Variants in CGN observed in about 807,000 individuals in gnomAD.
CGN encodes the protein cingulin.
A neutral mutation model predicts 157.1 loss-of-function variants in CGN; 121 were observed. That is an observed-to-expected ratio of 0.77 (90% CI 0.66 to 0.90). The LOEUF is 0.90. Among genes scored for constraint, CGN ranks in the 40% least tolerant of loss-of-function variants. The pLI is 0.00. For synonymous variants in CGN, 535 were observed against 607.5 expected, an observed-to-expected ratio of 0.88 and a Z score of 1.76; for missense variants, 1,424 against 1,520.9, an observed-to-expected ratio of 0.94 and a Z score of 1.06.
chr1:151,529,335 C>T lies in CGN; in HGVS notation c.1897-15C>T, dbSNP rs1167600511. 3.1e-6 allele frequency: 5 copies of T among 1,610,852 alleles called. No homozygotes were observed. Among genetic ancestry groups the T allele is most frequent in the East Asian group, 4.5e-5 (2 of 44,810 alleles). ...TGGCTCTGGGTGCCCCATCACCATT[C>T]CCGTTTCCTTCCAGGAGCTGCTCCG... On this transcript the variant is annotated splice_polypyrimidine_tract_variant and intron_variant, in intron 10 of 20. Transcript: ENST00000271636.
chr1:151,524,946 G>A lies in CGN; in HGVS notation c.1614+60G>A. 2 of 1,444,908 alleles carry A rather than the reference G, an allele frequency of 1.4e-6. No homozygotes were observed. Among genetic ancestry groups the A allele is most frequent in the Non-Finnish European group, 1.9e-6 (2 of 1,050,066 alleles). 89.5% of individuals were successfully genotyped at this position (1,444,908 alleles called of 1,614,324 possible). A position where few individuals can be genotyped will look rare whatever the true frequency, so the allele number is the denominator to read the frequency against. ...CACTGCTGGAGAACAAGGCTGCCTT[G>A]GGATCTTGGACTTTTGGACTTTTCA... On this transcript the variant is annotated intron_variant, in intron 8 of 20. Coordinates refer to ENST00000271636, the MANE Select transcript of CGN (RefSeq NM_020770.3). This position sits in a 1 kb window ranked among gnomAD's most constrained non-coding sequence, Gnocchi z 4.4.
Position 151,524,284 on chromosome 1 carries a change from AC to A in CGN, c.1330del (p.Gln444ArgfsTer2). 5 of 1,614,180 alleles carry A rather than the reference AC, an allele frequency of 3.1e-6. 1 individual carries two copies. Among genetic ancestry groups the A allele is most frequent in the Middle Eastern group, 1.6e-4 (1 of 6,062 alleles). On this transcript the variant is annotated frameshift_variant, in exon 7 of 21. Coordinates refer to ENST00000271636, the MANE Select transcript of CGN (RefSeq NM_020770.3). LOFTEE classifies it high-confidence loss of function. The surrounding 1 kb of genome is among the most constrained non-coding windows in gnomAD (Gnocchi z 4.4). Reference protein sequence around the residue: ...QGEDLRHGLETQVMELQNKLK... With the variant: ...QGEDLRHGLEXQVMELQNKLK... Reference sequence around the variant, plus strand: ...TGAAGATTTACGACATGGGCTGGAGACCCAGGTGATGGAGCTGCAGAACAAG... The same window carrying A: ...TGAAGATTTACGACATGGGCTGGAGACCAGGTGATGGAGCTGCAGAACAAG...
chr1:151,532,610 C>CTT (rs1557993034), intron 14 of CGN, 38 bp downstream of exon 14: 7 of 1,066,646 alleles, frequency 6.6e-6, no homozygotes, highest in South Asian at 4.6e-5. Flanking sequence ...AGGTCCTTGC[C>CTT]TCTTTTTTTT....
Position 151,536,766 on chromosome 1 carries a change from G to A in CGN, c.3343G>A (p.Asp1115Asn). 6.2e-7 allele frequency: 1 copy of A among 1,614,148 alleles called. No homozygotes were observed. The highest frequency in any genetic ancestry group is 8.5e-7 in the Non-Finnish European group (1 of 1,180,028). The change falls in exon 20 of 21, where the codon GAT (aspartate) becomes AAT (asparagine). Residue 1115 changes from aspartate to asparagine, a missense_variant. Physicochemically the swap from Asp to Asn is conservative, Grantham distance 23 (BLOSUM62 1). This residue lies in a region of CGN where 199 missense variants were observed against 272.2 expected (regional missense o/e 0.73). Transcript: ENST00000271636. ...LRVKALKRQV[D>N]EAEEEIERLD... Reference sequence around the variant, plus strand: ...GGTGAAGGCTTTGAAGCGTCAGGTGGATGAAGCAGAAGAGGAAATTGAGCG... The same window carrying A: ...GGTGAAGGCTTTGAAGCGTCAGGTGAATGAAGCAGAAGAGGAAATTGAGCG...
intron 5 of CGN, among the ~76,000 whole-genome samples, chr1:151,522,716 C>A (rs951902106): frequency 2.0e-5 from 3 of 152,074 alleles, no homozygotes; most frequent in Middle Eastern, 3.4e-3. Flanking sequence ...GAGTTTGAGA[C>A]CAGCCTGACC....
chr1:151,520,331 C>G, intron 3 of CGN, 65 bp downstream of exon 3: 1 of 1,571,550 alleles, frequency 6.4e-7, no homozygotes, highest in Admixed American at 1.7e-5. Context: ...GCTTTGTTTC[C>G]CATCTTCCCT....
At chr1:151,531,594 G>T (rs184107217) in intron 13 of CGN, among the ~76,000 whole-genome samples, 350 of 152,148 alleles carry the variant, frequency 2.3e-3, no homozygotes, top group African/African-American at 8.1e-3. Context: ...GGTTGAGGCT[G>T]CAGTGAGCTG....
chr1:151,524,291 T>C lies in CGN; in HGVS notation c.1334T>C (p.Val445Ala). 1 of 1,614,106 alleles carries C rather than the reference T, an allele frequency of 6.2e-7. No individual in the cohort carries two copies. Among genetic ancestry groups the C allele is most frequent in the Non-Finnish European group, 8.5e-7 (1 of 1,180,026 alleles). Residue 445 changes from valine to alanine, a missense_variant, in exon 7 of 21, where the codon GTG becomes GCG. Coordinates refer to ENST00000271636, the MANE Select transcript of CGN (RefSeq NM_020770.3). This position sits in a 1 kb window ranked among gnomAD's most constrained non-coding sequence, Gnocchi z 4.4. ...EDLRHGLETQ[V>A]MELQNKLKHV... ...TTACGACATGGGCTGGAGACCCAGGTGATGGAGCTGCAGAACAAGCTGAAA... is the reference window on the plus strand; with the variant it reads ...TTACGACATGGGCTGGAGACCCAGGCGATGGAGCTGCAGAACAAGCTGAAA...
At position 151,519,260 on chromosome 1, in the gene CGN, T is replaced by C. The variant is rs1469244472; in HGVS notation, c.741T>C (p.Thr247=). 1.1e-5 allele frequency: 17 copies of C among 1,613,978 alleles called. No individual in the cohort carries two copies. The highest frequency in any genetic ancestry group is 1.4e-5 in the Non-Finnish European group (17 of 1,180,038). ...CAAAATATGACAACCATGTGGGCAC[T>C]TCGAAGCAGCCAGCCCAGAGCCAGA... is the stretch of plus-strand genomic sequence containing the variant. ...SSTKYDNHVG[T]SKQPAQSQNL... The change falls in exon 2 of 21, where the codon ACT becomes ACC. Residue 247 remains threonine (T), a synonymous_variant. Transcript: ENST00000271636.
At chr1:151,523,733 A>G (rs113435463) in intron 6 of CGN, among the ~76,000 whole-genome samples, 172 bp downstream of exon 6, 2 of 152,338 alleles carry the variant, frequency 1.3e-5, no homozygotes, top group African/African-American at 4.8e-5. Flanking sequence ...CTTCTTTATC[A>G]ATAATGGTGG....
chr1:151,536,056 T>C (rs1232885225), intron 18 of CGN, 158 bp downstream of exon 18: 7 of 704,404 alleles, frequency 9.9e-6, no homozygotes, highest in Non-Finnish European at 1.7e-5. Flanking sequence ...GCAAAGAGTG[T>C]TGCAGAAATT....
chr1:151,514,906 A>G (rs1157118276), intron 1 of CGN, among the ~76,000 whole-genome samples: 1 of 151,964 alleles, frequency 6.6e-6, no homozygotes, highest in Non-Finnish European at 1.5e-5. Flanking sequence ...GAAGGATGAT[A>G]TTTGTTGTCA....
chr1:151,529,639 T>C (rs1664784160), intron 11 of CGN, 80 bp downstream of exon 11: 1 of 1,286,294 alleles, frequency 7.8e-7, no homozygotes, highest in Non-Finnish European at 1.1e-6. Flanking sequence ...GTGTGGAAAG[T>C]TACCTGTCAT....
chr1:151,518,369 G>C (rs1044335602), intron 1 of CGN, 137 bp from the exon 2 acceptor site: 1 of 679,980 alleles, frequency 1.5e-6, no homozygotes, highest in Non-Finnish European at 2.4e-6. Flanking sequence ...ATGTTAAAAG[G>C]CTCTCCAGGG....
chr1:151,511,767 C>T lies in CGN; in HGVS notation c.-15+252C>T, dbSNP rs1457176705. ...CACCTGGGGCGAAGGCTGTTCCCAG[C>T]GCATGAAAGCGTTTCAGCGCCAGAT... On this transcript the variant is annotated intron_variant, in intron 1 of 20. Coordinates refer to ENST00000271636, the MANE Select transcript of CGN (RefSeq NM_020770.3). The surrounding 1 kb of genome is among the most constrained non-coding windows in gnomAD (Gnocchi z 4.8). Among the ~76,000 whole-genome samples, 2 of 152,180 alleles carry T rather than the reference C, an allele frequency of 1.3e-5. No homozygotes were observed. The highest frequency in any genetic ancestry group is 1.3e-4 in the Admixed American group (2 of 15,290).
chr1:151,536,932 T>C (rs779433136), intron 20 of CGN, 39 bp downstream of exon 20: 3 of 1,598,810 alleles, frequency 1.9e-6, no homozygotes, highest in South Asian at 2.2e-5. Context: ...ATAGGGACAC[T>C]AGAGCAGGGA....
rs1356197405 is a variant in CGN, at chr1:151,534,109, CAG to C, written c.2878_2879del (p.Arg960GlyfsTer20). 8 of 1,601,310 alleles carry C rather than the reference CAG, an allele frequency of 5.0e-6. No individual in the cohort carries two copies. The highest frequency in any genetic ancestry group is 6.8e-6 in the Non-Finnish European group (8 of 1,173,758). On this transcript the variant is annotated frameshift_variant, in exon 15 of 21. Coordinates refer to ENST00000271636, the MANE Select transcript of CGN (RefSeq NM_020770.3). LOFTEE classifies it high-confidence loss of function. Reference protein sequence around the residue: ...AENKKRSQDDRARQLKGLEEK... With the variant: ...AENKKRSQDDXARQLKGLEEK... The stretch of plus-strand genomic sequence containing the variant: ...AGAACAAGAAGCGTTCCCAGGACGA[CAG>C]GGCCCGGCAGCTGAAGGGTCTCGAG...
In CGN at chr1:151,530,071, G is replaced by A. The variant is rs199743715; in HGVS notation, c.2269G>A (p.Glu757Lys). 6.2e-7 allele frequency: 1 copy of A among 1,614,066 alleles called. No individual in the cohort carries two copies. Among genetic ancestry groups the A allele is most frequent in the Admixed American group, 1.7e-5 (1 of 60,022 alleles). ...KETRGLVDGG[E>K]AVEARLRDKL... ...GACTCGAGGTCTGGTGGATGGTGGG[G>A]AAGCGGTGGAGGCACGACTACGGGA... The change falls in exon 12 of 21, where the codon GAA becomes AAA. Residue 757 changes from glutamate to lysine, a missense_variant. Transcript: ENST00000271636.
At position 151,520,404 on chromosome 1, in the gene CGN, T is replaced by C; in HGVS notation, c.975-10T>C. ...CCCCTAACCCTTGCTTCTATCCTTT[T>C]ATCCTCTAGAAGCTCAGAAAGTGAA... On this transcript the variant is annotated splice_polypyrimidine_tract_variant and intron_variant, in intron 3 of 20. Coordinates refer to ENST00000271636, the MANE Select transcript of CGN (RefSeq NM_020770.3). The C allele has an allele frequency of 6.2e-7, 1 of 1,612,692 alleles. No homozygotes were observed. The highest frequency in any genetic ancestry group is 8.5e-7 in the Non-Finnish European group (1 of 1,178,626).
Sources: allele counts gnomAD v4.1 joint callset (sites outside exome capture counted in the v4.1 genomes callset), GRCh38; gene constraint gnomAD v4.1.1; regional missense constraint gnomAD v4.1.1; non-coding constraint Gnocchi (gnomAD v3.1); transcripts MANE v1.5; gene names NCBI Gene and HGNC (gene_info 2026-07-23, HGNC 2026-07-21).